NREP: variants seen among roughly 807,000 people sequenced by gnomAD.
The protein encoded by NREP is neuronal regeneration related protein.
NREP carries 5 observed loss-of-function variants against 8.6 expected under a neutral mutation model. That is an observed-to-expected ratio of 0.58 (90% CI 0.30 to 1.22). The LOEUF is 1.22. Among genes scored for constraint, NREP ranks in the 50% most tolerant of loss-of-function variants. NREP has a pLI of 0.07. For synonymous variants in NREP, 27 were observed against 28.0 expected (o/e 0.96, Z 0.11); for missense variants, 86 against 82.5 (o/e 1.04, Z -0.17).
intron 2 of NREP, among the ~76,000 whole-genome samples, chr5:111,837,891 G>A (rs550631049): frequency 2.6e-5 from 4 of 151,894 alleles, no homozygotes; most frequent in South Asian, 2.1e-4. Context: ...TGGCCAAACC[G>A]TAAATAACTG....
At chr5:111,888,346 G>A (rs1347803667) in intron 2 of NREP, among the ~76,000 whole-genome samples, 1 of 151,598 alleles carries the variant, frequency 6.6e-6, no homozygotes, top group Non-Finnish European at 1.5e-5. Flanking sequence ...GGGTGGCGGG[G>A]GGGGTCTCAG....
At chr5:111,765,415 G>A (rs141465903) in intron 2 of NREP, among the ~76,000 whole-genome samples, 158 of 152,268 alleles carry the variant, frequency 1.0e-3, no homozygotes, top group African/African-American at 3.2e-3. Flanking sequence ...GACTGCATAA[G>A]CCCTAATTTC....
chr5:111,946,074 T>TCACACACACACACACACACA (rs72097994), intron 2 of NREP, among the ~76,000 whole-genome samples: 1 of 126,928 alleles, frequency 7.9e-6, no homozygotes, highest in African/African-American at 2.8e-5. Context: ...GAGATTTTGA[T>TCACACACACACACACACACA]CACACACACA....
chr5:111,819,317 G>A (rs1391557687), intron 2 of NREP, among the ~76,000 whole-genome samples: 1 of 152,062 alleles, frequency 6.6e-6, no homozygotes, highest in African/African-American at 2.4e-5. Context: ...ATAGCTAAAC[G>A]GAATTAGCAT....
At chr5:111,751,169 T>A (rs868677332) in intron 2 of NREP, among the ~76,000 whole-genome samples, 45 of 152,240 alleles carry the variant, frequency 3.0e-4, no homozygotes, top group Admixed American at 2.6e-4. Context: ...AAGCACTATA[T>A]GAAGTTTATA....
intron 2 of NREP, among the ~76,000 whole-genome samples, chr5:111,920,669 A>G (rs1269084545): frequency 6.6e-6 from 1 of 152,126 alleles, no homozygotes; most frequent in Non-Finnish European, 1.5e-5. Flanking sequence ...TGCTTCATTT[A>G]CATAAGGCAT....
At chr5:111,797,454 C>A (rs1392981130) in intron 2 of NREP, among the ~76,000 whole-genome samples, 1 of 152,202 alleles carries the variant, frequency 6.6e-6, no homozygotes, top group Non-Finnish European at 1.5e-5. Context: ...AGCAAGAGCA[C>A]AGACCTTACA....
Position 111,872,180 on chromosome 5 carries a change from G to C in NREP, c.135+103094C>G, listed in dbSNP as rs1029403890. On this transcript the variant is annotated intron_variant, in intron 2 of 3. Coordinates refer to the NREP transcript ENST00000395634. Reference sequence around the variant, plus strand: ...GCTGAGCCAGCAACCTGGAGACCCAGAGAGTTGATGGTGTCGTTCCAGTCC... The same window carrying C: ...GCTGAGCCAGCAACCTGGAGACCCACAGAGTTGATGGTGTCGTTCCAGTCC... Among the ~76,000 whole-genome samples the C allele has an allele frequency of 3.5e-4, 53 of 152,100 alleles. 1 individual carries two copies. Among genetic ancestry groups the C allele is most frequent in the African/African-American group, 1.3e-3 (52 of 41,412 alleles).
At chr5:111,767,998 C>T (rs1195651671) in intron 2 of NREP, among the ~76,000 whole-genome samples, 2 of 152,114 alleles carry the variant, frequency 1.3e-5, no homozygotes, top group South Asian at 2.1e-4. Context: ...TATAATGCAC[C>T]TATTTAAAAT....
chr5:111,880,231 T>C (rs1165155458), intron 2 of NREP, among the ~76,000 whole-genome samples: 1 of 152,316 alleles, frequency 6.6e-6, no homozygotes, highest in South Asian at 2.1e-4. Flanking sequence ...GTTATGAGAA[T>C]TAAACGTGTT....
At chr5:111,849,841 T>C (rs771992171) in intron 2 of NREP, among the ~76,000 whole-genome samples, 15 of 152,078 alleles carry the variant, frequency 9.9e-5, no homozygotes, top group Non-Finnish European at 1.6e-4. Context: ...CCCTGCCCAT[T>C]TTCCTTTTCT....
chr5:111,975,717 T>C (rs537179088), intron 1 of NREP, among the ~76,000 whole-genome samples: 1 of 152,314 alleles, frequency 6.6e-6, no homozygotes, highest in South Asian at 2.1e-4. Flanking sequence ...AAATGCCATA[T>C]TTTCCATTTC....
chr5:111,749,249 G>C (rs1167510249), intron 2 of NREP, among the ~76,000 whole-genome samples: 1 of 152,102 alleles, frequency 6.6e-6, no homozygotes, highest in Admixed American at 6.6e-5. Flanking sequence ...GTATGAGGTG[G>C]AGAAGGCATA....
chr5:111,870,020 A>G (rs947610929), intron 2 of NREP, among the ~76,000 whole-genome samples: 3 of 152,124 alleles, frequency 2.0e-5, no homozygotes, highest in African/African-American at 7.2e-5. Flanking sequence ...TTAAACTTCA[A>G]CTCTCCAGGT....
chr5:111,892,650 C>T (rs1372202740), intron 2 of NREP, among the ~76,000 whole-genome samples: 6 of 151,898 alleles, frequency 4.0e-5, no homozygotes, highest in African/African-American at 1.5e-4. Flanking sequence ...GAGTGAATGC[C>T]TGAAGGAAAT....
rs548719538 is a variant in NREP, at chr5:111,975,359, G to A, written c.50C>T (p.Thr17Ile). 1.5e-5 allele frequency: 24 copies of A among 1,551,598 alleles called. No homozygotes were observed. The East Asian group carries it at 3.7e-4, about 24-fold the overall frequency. The change falls in exon 2 of 4, where the codon ACA becomes ATA. Residue 17 changes from threonine to isoleucine, a missense_variant. Coordinates refer to the NREP transcript ENST00000395634. ...TGTCATCCTGCTCCTCTGGGTTCGT[G>A]TTTCATCTTCTCTTCGGCTCTGCAG...
chr5:111,855,437 T>G (rs899397049), intron 2 of NREP, among the ~76,000 whole-genome samples: 1 of 152,206 alleles, frequency 6.6e-6, no homozygotes, highest in East Asian at 1.9e-4. Flanking sequence ...AGCTTCAAGC[T>G]TTTTAACCAA....
chr5:111,781,480 T>G (rs1350330099), intron 2 of NREP, among the ~76,000 whole-genome samples: 1 of 151,918 alleles, frequency 6.6e-6, no homozygotes, highest in Non-Finnish European at 1.5e-5. Context: ...AGTCTTGGAG[T>G]TTTGCAGCTG....
rs543798601 is a variant in NREP at position 111,747,861 on chromosome 5, A to T, written c.3+7909T>A. On this transcript the variant is annotated intron_variant, in intron 2 of 3. Coordinates refer to ENST00000257435, the MANE Select transcript of NREP (RefSeq NM_004772.4). ...AAAATATCTCTAGCTAGATTATCAT[A>T]ACACTTTCAAGGCAAAAAGCTTAGA... Among the ~76,000 whole-genome samples the T allele has an allele frequency of 5.9e-5, 9 of 152,314 alleles. No homozygotes were observed. In the South Asian group the frequency reaches 1.9e-3, roughly 32 times the overall value.
Sources: gnomAD v4.1 joint callset for allele counts (sites outside exome capture counted in the v4.1 genomes callset) on GRCh38, gnomAD v4.1.1 for gene constraint, MANE v1.5 for transcripts, NCBI Gene and HGNC (gene_info 2026-07-23, HGNC 2026-07-21) for gene names.